The following PTGER3 variants were observed in gnomAD, a reference collection of about 807,000 sequenced individuals.
PTGER3 encodes prostaglandin E2 receptor EP3 subtype.
PTGER3 carries 22 observed loss-of-function variants against 34.7 expected under a neutral mutation model. That is an observed-to-expected ratio of 0.63 (90% confidence interval 0.45 to 0.91). The LOEUF is 0.91. Among genes scored for constraint, PTGER3 ranks in the 40% least tolerant of loss-of-function variants. The pLI is 0.00. For missense variants in PTGER3, 468 were observed against 519.4 expected (o/e 0.90, Z 0.96); for synonymous variants, 241 against 230.1 (o/e 1.05, Z -0.43).
intron 4 of PTGER3, among the ~76,000 whole-genome samples, chr1:70,907,372 G>T (rs992286136): frequency 6.6e-6 from 1 of 152,226 alleles, no homozygotes; most frequent in Non-Finnish European, 1.5e-5. Flanking sequence ...GCTGGTAGCT[G>T]TTAGTGTCAT....
intron 4 of PTGER3, among the ~76,000 whole-genome samples, chr1:70,867,424 A>G (rs553444350): frequency 6.6e-6 from 1 of 152,318 alleles, no homozygotes; most frequent in African/African-American, 2.4e-5. Context: ...GTTTACTTGC[A>G]ATTAAAAATG....
chr1:70,865,897 C>A, intron 4 of PTGER3: 1 of 1,078,172 alleles, frequency 9.3e-7, no homozygotes, highest in Non-Finnish European at 1.3e-6. Flanking sequence ...AGAGCCACAT[C>A]ACAGAAACAA....
downstream of PTGER3, among the ~76,000 whole-genome samples, chr1:70,966,814 G>A (rs1407586410): frequency 6.6e-6 from 1 of 151,874 alleles, no homozygotes; most frequent in Non-Finnish European, 1.5e-5. Flanking sequence ...ATTCCATGGT[G>A]TATATGAACC....
downstream of PTGER3, among the ~76,000 whole-genome samples, chr1:70,949,483 A>G (rs954645751): frequency 6.6e-6 from 1 of 152,198 alleles, no homozygotes; most frequent in African/African-American, 2.4e-5. Flanking sequence ...AATGTAAAAT[A>G]GTTCAAAAGA....
At chr1:70,955,969 G>T (rs915590299) in intron 2 of PTGER3, among the ~76,000 whole-genome samples, 1 of 152,130 alleles carries the variant, frequency 6.6e-6, no homozygotes, top group African/African-American at 2.4e-5. Context: ...ACTGGACTTT[G>T]GCTGTCTATG....
At chr1:70,949,593 G>C (rs1449171539), downstream of PTGER3, among the ~76,000 whole-genome samples, 2 of 152,152 alleles carry the variant, frequency 1.3e-5, no homozygotes, top group African/African-American at 4.8e-5. Flanking sequence ...GCAATGAAAT[G>C]CATCATTAAC....
At chr1:71,018,133 C>T (rs1199714054) in intron 1 of PTGER3, among the ~76,000 whole-genome samples, 2 of 152,098 alleles carry the variant, frequency 1.3e-5, no homozygotes, top group African/African-American at 2.4e-5. Flanking sequence ...TAATTTGCTA[C>T]AGCAGCAGTA....
At chr1:70,948,986 A>C (rs1008159353), downstream of PTGER3, among the ~76,000 whole-genome samples, 2 of 152,132 alleles carry the variant, frequency 1.3e-5, no homozygotes, top group Non-Finnish European at 2.9e-5. Flanking sequence ...TTTTTCTTTG[A>C]GTTAAATATT....
intron 4 of PTGER3, among the ~76,000 whole-genome samples, chr1:70,867,781 C>A (rs1363511888): frequency 1.3e-5 from 2 of 152,070 alleles, no homozygotes; most frequent in Non-Finnish European, 2.9e-5. Context: ...GTAAATACAT[C>A]CACAAGGCCA....
At chr1:70,994,640 T>G (rs915617419) in intron 2 of PTGER3, among the ~76,000 whole-genome samples, 2 of 152,034 alleles carry the variant, frequency 1.3e-5, no homozygotes, top group African/African-American at 4.8e-5. Context: ...GTATTTTTAG[T>G]AGAGACAGGG....
At chr1:70,857,660 CG>C (rs1645838926) in intron 4 of PTGER3, among the ~76,000 whole-genome samples, 2 of 151,970 alleles carry the variant, frequency 1.3e-5, no homozygotes, top group African/African-American at 2.4e-5. Flanking sequence ...CTCAGCCTCC[CG>C]GGTAGCTGGG....
chr1:70,899,809 A>C (rs1646798769), intron 4 of PTGER3, among the ~76,000 whole-genome samples: 1 of 152,114 alleles, frequency 6.6e-6, no homozygotes, highest in South Asian at 2.1e-4. Context: ...GCAAATAAAA[A>C]GCCTGGTGAA....
At chr1:70,997,564 CTGATT>C (rs1656104064) in intron 2 of PTGER3, among the ~76,000 whole-genome samples, 1 of 152,300 alleles carries the variant, frequency 6.6e-6, no homozygotes, top group South Asian at 2.1e-4. Flanking sequence ...ACCAGATATT[CTGATT>C]TAATTATTGG....
At chr1:70,977,238 C>G (rs1215345274) in intron 2 of PTGER3, among the ~76,000 whole-genome samples, 1 of 152,058 alleles carries the variant, frequency 6.6e-6, no homozygotes, top group Non-Finnish European at 1.5e-5. Context: ...AATGGAGACT[C>G]CAGAAACATA....
At chr1:70,877,978 G>A (rs1646308217) in intron 4 of PTGER3, among the ~76,000 whole-genome samples, 1 of 152,116 alleles carries the variant, frequency 6.6e-6, no homozygotes, top group Non-Finnish European at 1.5e-5. Flanking sequence ...AGTTAGGGAG[G>A]AGTCCCTCCC....
At chr1:70,903,263 G>T (rs1646878605) in intron 4 of PTGER3, among the ~76,000 whole-genome samples, 1 of 152,052 alleles carries the variant, frequency 6.6e-6, no homozygotes, top group Non-Finnish European at 1.5e-5. Flanking sequence ...TTAATTTTAG[G>T]CTTCTGGTCT....
chr1:70,932,522 C>T (rs1170323543), intron 4 of PTGER3, among the ~76,000 whole-genome samples: 1 of 152,138 alleles, frequency 6.6e-6, no homozygotes, highest in Non-Finnish European at 1.5e-5. Flanking sequence ...GAGGAGGCCT[C>T]AGAATCATGA....
chr1:70,884,436 A>G (rs1557628812), intron 4 of PTGER3, among the ~76,000 whole-genome samples: 2 of 152,238 alleles, frequency 1.3e-5, no homozygotes, highest in South Asian at 2.1e-4. Context: ...TTGAAAAGGA[A>G]AAGTTCCTGG....
At chr1:70,917,934 T>A (rs1385296526) in intron 4 of PTGER3, among the ~76,000 whole-genome samples, 2 of 152,094 alleles carry the variant, frequency 1.3e-5, no homozygotes, top group Non-Finnish European at 2.9e-5. Context: ...GAGTTCCTTA[T>A]ATAATCTGGA....
Sources: allele counts gnomAD v4.1 joint callset (sites outside exome capture counted in the v4.1 genomes callset), GRCh38; gene constraint gnomAD v4.1.1; transcripts MANE v1.5; gene names NCBI Gene and HGNC (gene_info 2026-07-23, HGNC 2026-07-21).